The following MCF2L2 variants were observed in gnomAD, a reference collection of about 807,000 sequenced individuals.
MCF2L2 encodes probable guanine nucleotide exchange factor MCF2L2.
A neutral mutation model predicts 150.2 loss-of-function variants in MCF2L2; 102 were observed. The observed-to-expected ratio is 0.68, with a 90% CI of 0.58 to 0.80. MCF2L2 has a LOEUF of 0.80. MCF2L2 is among the 30% of genes least tolerant of loss of function. MCF2L2 has a pLI of 0.00. For synonymous variants in MCF2L2, 465 were observed against 491.3 expected, an observed-to-expected ratio of 0.95 and a Z score of 0.71; for missense variants, 1,256 against 1,372.8, an observed-to-expected ratio of 0.91 and a Z score of 1.34.
chr3:183,186,834 A>G (rs1196706242), intron 27 of MCF2L2, among the ~76,000 whole-genome samples: 1 of 150,690 alleles, frequency 6.6e-6, no homozygotes, highest in East Asian at 2.0e-4. Context: ...TTGGGATTAC[A>G]GGCATGAGCC....
chr3:183,271,062 T>A (rs1055881261), intron 15 of MCF2L2: 55 of 837,242 alleles, frequency 6.6e-5, no homozygotes, highest in Middle Eastern at 7.0e-4. Flanking sequence ...GCCTAGTCCA[T>A]CAGAATGTTT....
chr3:183,281,170 G>A (rs781349061), intron 14 of MCF2L2, among the ~76,000 whole-genome samples: 3 of 152,032 alleles, frequency 2.0e-5, no homozygotes, highest in Non-Finnish European at 2.9e-5. Flanking sequence ...TTATCAAAAC[G>A]TTCTCTACCA....
chr3:183,200,626 A>T (rs1447999259), intron 25 of MCF2L2, among the ~76,000 whole-genome samples: 1 of 152,176 alleles, frequency 6.6e-6, no homozygotes, highest in African/African-American at 2.4e-5. Context: ...TCTTTAGTTT[A>T]ATTAGATCCC....
At chr3:183,422,670 G>A (rs1715942334) in intron 1 of MCF2L2, among the ~76,000 whole-genome samples, 1 of 152,170 alleles carries the variant, frequency 6.6e-6, no homozygotes, top group Admixed American at 6.5e-5. Flanking sequence ...ACTAAAAGCT[G>A]AGGAGAGAGG....
At chr3:183,399,789 T>C (rs905434002) in intron 1 of MCF2L2, among the ~76,000 whole-genome samples, 2 of 152,230 alleles carry the variant, frequency 1.3e-5, no homozygotes, top group African/African-American at 4.8e-5. Context: ...AGACGGAATG[T>C]AGAGCGTCTC....
intron 10 of MCF2L2, among the ~76,000 whole-genome samples, chr3:183,301,593 G>A (rs2108499294): frequency 6.6e-6 from 1 of 152,172 alleles, no homozygotes; most frequent in Admixed American, 6.5e-5. Flanking sequence ...TCAGGAGTTG[G>A]AGACCAGCCT....
At chr3:183,261,911 A>G (rs984050347) in intron 15 of MCF2L2, among the ~76,000 whole-genome samples, 3 of 150,248 alleles carry the variant, frequency 2.0e-5, no homozygotes, top group African/African-American at 7.3e-5. Flanking sequence ...GTAGAACACA[A>G]TCCATTCATG....
At chr3:183,230,889 G>T in intron 16 of MCF2L2, 62 bp downstream of exon 16, 3 of 1,321,666 alleles carry the variant, frequency 2.3e-6, no homozygotes, top group Non-Finnish European at 2.2e-6. Flanking sequence ...GAGTCTCTTT[G>T]TACAACAAAA....
rs1379012721 is a variant in MCF2L2 at position 183,424,828 on chromosome 3, G to A, written c.76+3074C>T. 2.6e-5 allele frequency among the ~76,000 whole-genome samples: 4 copies of A among 152,190 alleles called. No individual in the cohort carries two copies. The East Asian group carries it at 5.8e-4, about 22-fold the overall frequency. On this transcript the variant is annotated intron_variant, in intron 1 of 29. Coordinates refer to ENST00000328913, the MANE Select transcript of MCF2L2 (RefSeq NM_015078.4). ...GACTTATTCCAGGTGGGGGGTAAAA[G>A]TGCAAATACTTAGAGGTGAGAAAAG...
chr3:183,190,366 T>A (rs1721840754), intron 27 of MCF2L2, among the ~76,000 whole-genome samples: 1 of 152,118 alleles, frequency 6.6e-6, no homozygotes. Context: ...AACACCAGAA[T>A]CCCATCCATT....
At chr3:183,216,729 C>T (rs1371523014) in intron 21 of MCF2L2, among the ~76,000 whole-genome samples, 3 of 148,928 alleles carry the variant, frequency 2.0e-5, no homozygotes, top group African/African-American at 7.4e-5. Context: ...CTCAGCCTCC[C>T]GAGTAGCTGG....
chr3:183,212,469 T>G (rs1056198585), intron 22 of MCF2L2, among the ~76,000 whole-genome samples: 1 of 152,110 alleles, frequency 6.6e-6, no homozygotes, highest in Non-Finnish European at 1.5e-5. Context: ...CAAGAAGTGA[T>G]AGCAAAATCA....
At chr3:183,419,641 C>T (rs149219672) in intron 1 of MCF2L2, among the ~76,000 whole-genome samples, 20 of 151,952 alleles carry the variant, frequency 1.3e-4, no homozygotes, top group Non-Finnish European at 2.6e-4. Context: ...GGGAGGCCAA[C>T]GTGGGTGCAT....
chr3:183,301,037 A>C (rs1728821064), intron 10 of MCF2L2, among the ~76,000 whole-genome samples: 1 of 149,528 alleles, frequency 6.7e-6, no homozygotes, highest in African/African-American at 2.5e-5. Flanking sequence ...AAAAAAAAAA[A>C]GAAATATGCT....
intron 12 of MCF2L2, 100 bp from the exon 13 acceptor site, chr3:183,295,577 C>A: frequency 8.6e-7 from 1 of 1,163,466 alleles, no homozygotes; most frequent in South Asian, 1.3e-5. Context: ...CTCCCCCCAT[C>A]CCTACCTCCC....
intron 3 of MCF2L2, among the ~76,000 whole-genome samples, chr3:183,365,600 A>G (rs2108571244): frequency 6.6e-6 from 1 of 152,308 alleles, no homozygotes; most frequent in East Asian, 1.9e-4. Context: ...TATACTTCAT[A>G]CCAACCACAA....
At chr3:183,277,538 T>G (rs1002219054) in intron 14 of MCF2L2, among the ~76,000 whole-genome samples, 1 of 151,660 alleles carries the variant, frequency 6.6e-6, no homozygotes, top group African/African-American at 2.4e-5. Flanking sequence ...GAGGCAGAGA[T>G]GAAGTAAGCC....
chr3:183,195,383 G>T (rs1410057405), intron 25 of MCF2L2, 128 bp from the exon 26 acceptor site: 8 of 616,454 alleles, frequency 1.3e-5, no homozygotes, highest in East Asian at 3.2e-5. Context: ...AAGGTGTGTA[G>T]GTCTTGATCA....
rs1351365811 is a variant in MCF2L2, at chr3:183,351,200, A to G, written c.276-9570T>C. 8.4e-4 allele frequency among the ~76,000 whole-genome samples: 77 copies of G among 92,136 alleles called. 1 individual carries two copies. The highest frequency in any genetic ancestry group is 2.9e-3 in the South Asian group (8 of 2,720). The allele number at this position is 92,136 out of a possible 152,430, so 60.4% of individuals were successfully genotyped here. On this transcript the variant is annotated intron_variant, in intron 3 of 29. Coordinates refer to ENST00000328913, the MANE Select transcript of MCF2L2 (RefSeq NM_015078.4). Reference sequence around the variant, plus strand: ...TATTTATTTTCTTAAGTATATATATATATATATATATATATATATATATAT... The same window carrying G: ...TATTTATTTTCTTAAGTATATATATGTATATATATATATATATATATATAT...
Sources: gnomAD v4.1 joint callset for allele counts (sites outside exome capture counted in the v4.1 genomes callset) on GRCh38, gnomAD v4.1.1 for gene constraint, MANE v1.5 for transcripts, NCBI Gene and HGNC (gene_info 2026-07-23, HGNC 2026-07-21) for gene names.